The following GLI3 variants were observed in gnomAD, a reference collection of about 807,000 sequenced individuals.
GLI3 encodes the protein transcription activator GLI3.
GLI3 carries 20 observed loss-of-function variants against 100.8 expected under a neutral mutation model. That is an observed-to-expected ratio of 0.20 (90% CI 0.14 to 0.29). GLI3 has a LOEUF of 0.29. Among genes scored for constraint, GLI3 ranks in the 10% least tolerant of loss-of-function variants. The pLI, the probability that GLI3 is intolerant of heterozygous loss-of-function variation, is 1.00. For missense variants in GLI3, 2,040 were observed against 2,128.5 expected (o/e 0.96, Z 0.82); for synonymous variants, 938 against 860.5 (o/e 1.09, Z -1.58).
chr7:42,185,136 A>G (rs953970636), intron 2 of GLI3, among the ~76,000 whole-genome samples: 2 of 152,120 alleles, frequency 1.3e-5, no homozygotes, highest in African/African-American at 4.8e-5. Context: ...GTCCTGTGCT[A>G]CTGGGTCCCC....
At chr7:42,196,678 C>A (rs1346521406) in intron 2 of GLI3, among the ~76,000 whole-genome samples, 8 of 152,150 alleles carry the variant, frequency 5.3e-5, no homozygotes, top group African/African-American at 1.9e-4. Flanking sequence ...CATGAAGATT[C>A]CAAATTTCCT....
At chr7:42,181,691 T>C (rs1377196122) in intron 2 of GLI3, among the ~76,000 whole-genome samples, 1 of 152,180 alleles carries the variant, frequency 6.6e-6, no homozygotes, top group Admixed American at 6.5e-5. Context: ...ATAAATACCA[T>C]TCAACTGTGA....
rs191168003 is a variant in GLI3, at chr7:42,175,289, C to T, written c.125-26821G>A. ...GGTCCAGTTGTATAAGCTGAGGAAACAGACTTCACCCTTTTGGGGCTCAGT... is the reference window on the plus strand; with the variant it reads ...GGTCCAGTTGTATAAGCTGAGGAAATAGACTTCACCCTTTTGGGGCTCAGT... On this transcript the variant is annotated intron_variant, in intron 2 of 14. Coordinates refer to ENST00000395925, the MANE Select transcript of GLI3 (RefSeq NM_000168.6). Among the ~76,000 whole-genome samples the T allele has an allele frequency of 3.0e-3, 450 of 152,342 alleles. 1 individual carries two copies. The highest frequency in any genetic ancestry group is 6.8e-3 in the Middle Eastern group (2 of 294).
At chr7:42,241,465 A>AAT (rs1788924184), upstream of GLI3, among the ~76,000 whole-genome samples, 2 of 152,188 alleles carry the variant, frequency 1.3e-5, no homozygotes, top group African/African-American at 2.4e-5. Flanking sequence ...ACAAAGGTAG[A>AAT]TCCCTGGCCA....
intron 2 of GLI3, among the ~76,000 whole-genome samples, chr7:42,214,908 T>C (rs1013129797): frequency 6.6e-6 from 1 of 150,796 alleles, no homozygotes; most frequent in South Asian, 2.1e-4. Context: ...TGCTTTAGGT[T>C]GTAGATTTCT....
At chr7:42,058,581 G>A (rs1462900866) in intron 4 of GLI3, among the ~76,000 whole-genome samples, 1 of 152,124 alleles carries the variant, frequency 6.6e-6, no homozygotes, top group African/African-American at 2.4e-5. Flanking sequence ...AACAAAAATA[G>A]TCTAGCTGAC....
chr7:42,245,940 A>C (rs891060545), intron 1 of GLI3, among the ~76,000 whole-genome samples: 1 of 151,726 alleles, frequency 6.6e-6, no homozygotes, highest in African/African-American at 2.4e-5. Flanking sequence ...GGGGAGATAG[A>C]CCATAAGGAA....
intron 10 of GLI3, among the ~76,000 whole-genome samples, chr7:41,991,457 AC>A (rs757058520): frequency 3.9e-5 from 6 of 152,130 alleles, no homozygotes; most frequent in East Asian, 1.9e-4. Flanking sequence ...AAACATCTTG[AC>A]CCCCTATTAA....
chr7:41,985,049 T>G (rs1271480436), intron 10 of GLI3, among the ~76,000 whole-genome samples: 1 of 152,238 alleles, frequency 6.6e-6, no homozygotes, highest in East Asian at 1.9e-4. Flanking sequence ...ACAGCCTTTC[T>G]GGCTGGTAGT....
chr7:42,011,594 T>G (rs989134039), intron 10 of GLI3, among the ~76,000 whole-genome samples: 1 of 152,140 alleles, frequency 6.6e-6, no homozygotes, highest in Non-Finnish European at 1.5e-5. Context: ...AACAAAGCAC[T>G]GATACCTGCC....
intron 3 of GLI3, among the ~76,000 whole-genome samples, chr7:42,080,414 T>C (rs1784973412): frequency 6.6e-6 from 1 of 152,248 alleles, no homozygotes; most frequent in Non-Finnish European, 1.5e-5. Flanking sequence ...AGAAAATTAA[T>C]GGATATGATC....
chr7:42,231,531 G>A (rs759217594), intron 1 of GLI3, among the ~76,000 whole-genome samples: 17 of 152,138 alleles, frequency 1.1e-4, no homozygotes, highest in Non-Finnish European at 1.9e-4. Flanking sequence ...GAAACTCTCT[G>A]ATATGGAATT....
At chr7:42,042,076 C>T (rs1303033278) in intron 6 of GLI3, among the ~76,000 whole-genome samples, 4 of 149,454 alleles carry the variant, frequency 2.7e-5, no homozygotes, top group Admixed American at 6.7e-5. Context: ...TGCAGTGGCA[C>T]GATCTCGGCT....
chr7:42,247,568 G>A (rs185462764), intron 1 of GLI3, among the ~76,000 whole-genome samples: 94 of 152,304 alleles, frequency 6.2e-4, no homozygotes, highest in Middle Eastern at 3.4e-3. Context: ...ACCACCAGGC[G>A]TCTGCTTCTT....
At chr7:42,163,434 T>C (rs1209246491) in intron 2 of GLI3, among the ~76,000 whole-genome samples, 2 of 147,918 alleles carry the variant, frequency 1.4e-5, no homozygotes, top group Non-Finnish European at 3.0e-5. Context: ...TTTCTTTTCT[T>C]TTTTTTTTTT....
chr7:42,092,550 C>G (rs1477051874), intron 3 of GLI3, among the ~76,000 whole-genome samples: 1 of 152,152 alleles, frequency 6.6e-6, no homozygotes, highest in Admixed American at 6.5e-5. Context: ...AGTCTGGGCA[C>G]TTCTTTGCGA....
rs146582722 is a variant in GLI3 at position 41,979,195 on chromosome 7, G to A, written c.1498-447C>T. On this transcript the variant is annotated intron_variant, in intron 10 of 14. Coordinates refer to ENST00000395925, the MANE Select transcript of GLI3 (RefSeq NM_000168.6). ...ACATGCTGGGCCATGGGTTAGCACC[G>A]CGGCTTAGGCTTCAAAAAGGGAAGG... Among the ~76,000 whole-genome samples, 28 of 152,352 alleles carry A rather than the reference G, an allele frequency of 1.8e-4. No individual in the cohort carries two copies. In the East Asian group the frequency reaches 4.0e-3, roughly 22 times the overall value.
exon 1 of GLI3, among the ~76,000 whole-genome samples, chr7:42,263,997 G>C (rs1395858494): frequency 6.6e-6 from 1 of 152,152 alleles, no homozygotes; most frequent in East Asian, 1.9e-4. Context: ...CACTTACTCT[G>C]GCAGCTCAGC....
At chr7:42,139,657 C>T (rs564775114) in intron 3 of GLI3, among the ~76,000 whole-genome samples, 17 of 152,258 alleles carry the variant, frequency 1.1e-4, no homozygotes, top group African/African-American at 2.6e-4. Context: ...CCAGCCTGGG[C>T]AACAAGAGCG....
Sources: allele counts gnomAD v4.1 joint callset (sites outside exome capture counted in the v4.1 genomes callset), GRCh38; gene constraint gnomAD v4.1.1; transcripts MANE v1.5; gene names NCBI Gene and HGNC (gene_info 2026-07-23, HGNC 2026-07-21).